The following WNT7B variants were observed in gnomAD, a reference collection of about 807,000 sequenced individuals.
WNT7B encodes the protein Wnt family member 7B.
In WNT7B, 19 loss-of-function variants were observed where a neutral mutation model predicts 38.2. That is an observed-to-expected ratio of 0.50 (90% CI 0.35 to 0.73). The LOEUF (loss-of-function observed/expected upper bound fraction) is 0.73. Among genes scored for constraint, WNT7B ranks in the 30% least tolerant of loss-of-function variants. The pLI is 0.01. For synonymous variants in WNT7B, 243 were observed against 209.3 expected (o/e 1.16, Z -1.39); for missense variants, 423 against 507.9 (o/e 0.83, Z 1.61).
In WNT7B at chr22:45,951,077, T is replaced by A. The variant is rs575125709; in HGVS notation, c.72-931A>T. On this transcript the variant is annotated intron_variant, in intron 1 of 3. Coordinates refer to ENST00000339464, the MANE Select transcript of WNT7B (RefSeq NM_058238.3). The surrounding 1 kb of genome is among the most constrained non-coding windows in gnomAD (Gnocchi z 4.8). ...GCGGGATTGTCATTTGTTCATTTGT[T>A]TGTTTGTTTTGAGACAGAGTTTCGG... Among the ~76,000 whole-genome samples, 1 of 152,324 alleles carries A rather than the reference T, an allele frequency of 6.6e-6. No individual in the cohort carries two copies. The highest frequency in any genetic ancestry group is 2.1e-4 in the South Asian group (1 of 4,826).
rs1931789175 is a variant in WNT7B at position 45,946,105 on chromosome 22, C to T, written c.298+3815G>A. On this transcript the variant is annotated intron_variant, in intron 2 of 3. Transcript: ENST00000339464. ...GGCGCAGTGGTTGGAAGGAAGCAGC[C>T]TGCAGAGGGAAGCCCTCACCTGCTC... Among the ~76,000 whole-genome samples, 3 of 152,186 alleles carry T rather than the reference C, an allele frequency of 2.0e-5. No homozygotes were observed. In the South Asian group the frequency reaches 6.2e-4, roughly 31 times the overall value.
rs1039250275 is a variant in WNT7B, at chr22:45,977,123, G to T, written c.-369C>A. The T allele has an allele frequency of 3.0e-6, 2 of 675,944 alleles. No homozygotes were observed. Among genetic ancestry groups the T allele is most frequent in the East Asian group, 1.4e-4 (1 of 7,406 alleles). 41.9% of individuals were successfully genotyped at this position (675,944 alleles called of 1,614,324 possible). A position where few individuals can be genotyped will look rare whatever the true frequency, so the allele number is the denominator to read the frequency against. On this transcript the variant is annotated 5_prime_UTR_variant, in exon 1 of 4. Transcript: ENST00000339464. ...TGAGCGCCTCGCCGAGCGCCGCGGC[G>T]GCCAATGTGTCCGCACTTGTCGGCC...
In WNT7B at chr22:45,976,832, C is replaced by G; in HGVS notation, c.-78G>C. ...GGGCCCGGCAGGGCCGGGCAGGGGC[C>G]AGGGGGCTGCGGGCAGACTGCGCTC... On this transcript the variant is annotated 5_prime_UTR_variant, in exon 1 of 4. Coordinates refer to ENST00000339464, the MANE Select transcript of WNT7B (RefSeq NM_058238.3). This position sits in a 1 kb window ranked among gnomAD's most constrained non-coding sequence, Gnocchi z 8.5. The G allele has an allele frequency of 7.3e-7, 1 of 1,364,690 alleles. No individual in the cohort carries two copies. Among genetic ancestry groups the G allele is most frequent in the Admixed American group, 2.5e-5 (1 of 40,012 alleles). 84.5% of individuals were successfully genotyped at this position (1,364,690 alleles called of 1,614,324 possible). A position where few individuals can be genotyped will look rare whatever the true frequency, so the allele number is the denominator to read the frequency against.
intron 3 of WNT7B, among the ~76,000 whole-genome samples, chr22:45,928,837 T>G (rs62226028): frequency 0.074 from 11,250 of 151,514 alleles, 637 homozygotes; most frequent in Admixed American, 0.16. Flanking sequence ...CCGGCCATCC[T>G]GGCCCTGGTT....
At chr22:45,964,823 C>A (rs777146764) in intron 1 of WNT7B, among the ~76,000 whole-genome samples, 4 of 152,168 alleles carry the variant, frequency 2.6e-5, no homozygotes, top group African/African-American at 4.8e-5. Context: ...GGCAACCCTG[C>A]AACCCTAGAC....
At chr22:45,929,397 C>T (rs1931215034) in intron 3 of WNT7B, among the ~76,000 whole-genome samples, 1 of 145,282 alleles carries the variant, frequency 6.9e-6, no homozygotes, top group Non-Finnish European at 1.6e-5. Context: ...CCCATCCATC[C>T]TTCCATCCAC....
rs1046451763 is a variant in WNT7B at position 45,977,110 on chromosome 22, C to A, written c.-356G>T. On this transcript the variant is annotated 5_prime_UTR_variant, in exon 1 of 4. Coordinates refer to ENST00000339464, the MANE Select transcript of WNT7B (RefSeq NM_058238.3). The stretch of plus-strand genomic sequence containing the variant: ...CCGCCTGAGGCCGTGAGCGCCTCGC[C>A]GAGCGCCGCGGCGGCCAATGTGTCC... 4 of 784,512 alleles carry A rather than the reference C, an allele frequency of 5.1e-6. No individual in the cohort carries two copies. The African/African-American group carries it at 7.5e-5, about 15-fold the overall frequency. 48.6% of individuals were successfully genotyped at this position (784,512 alleles called of 1,614,324 possible). A position where few individuals can be genotyped will look rare whatever the true frequency, so the allele number is the denominator to read the frequency against.
intron 1 of WNT7B, chr22:45,972,116 G>GGGGGGCCC: frequency 1.3e-5 from 7 of 530,726 alleles, no homozygotes; most frequent in Admixed American, 4.1e-5. Flanking sequence ...CCCGGGGGGA[G>GGGGGGCCC]CCCACCCGCC....
At position 45,949,916 on chromosome 22, in the gene WNT7B, T is replaced by G; in HGVS notation, c.298+4A>C. Reference sequence around the variant, plus strand: ...GGGCCCCTTGAGCCCAGAGGCGCCCTTACCTACTCGGAGCTCTTGCCCGAA... The same window carrying G: ...GGGCCCCTTGAGCCCAGAGGCGCCCGTACCTACTCGGAGCTCTTGCCCGAA... On this transcript the variant is annotated splice_donor_region_variant and intron_variant, in intron 2 of 3. Transcript: ENST00000339464. 1 of 1,604,928 alleles carries G rather than the reference T, an allele frequency of 6.2e-7. No individual in the cohort carries two copies. The highest frequency in any genetic ancestry group is 8.5e-7 in the Non-Finnish European group (1 of 1,173,202).
At chr22:45,929,604 CCACCTGCCCATA>C (rs1200412318) in intron 3 of WNT7B, among the ~76,000 whole-genome samples, 4 of 150,142 alleles carry the variant, frequency 2.7e-5, no homozygotes, top group African/African-American at 9.8e-5. Flanking sequence ...ATGCATCCAT[CCACCTGCCCATA>C]CACCCATCCT....
intron 3 of WNT7B, among the ~76,000 whole-genome samples, chr22:45,930,740 G>A (rs28488726): frequency 0.3 from 45,520 of 152,072 alleles, 6,877 homozygotes; most frequent in Middle Eastern, 0.37. Flanking sequence ...GGTGACCTCC[G>A]GGACCAGGAA....
intron 1 of WNT7B, chr22:45,972,599 G>C (rs1459405710): frequency 6.5e-6 from 1 of 154,118 alleles, no homozygotes; most frequent in Non-Finnish European, 1.4e-5. Context: ...GCCATTGGAC[G>C]GGCCGCCCCT....
In WNT7B at chr22:45,948,038, G is replaced by C. The variant is rs530579639; in HGVS notation, c.298+1882C>G. Among the ~76,000 whole-genome samples, 7 of 152,318 alleles carry C rather than the reference G, an allele frequency of 4.6e-5. No homozygotes were observed. In the South Asian group the frequency reaches 6.2e-4, roughly 14 times the overall value. The stretch of plus-strand genomic sequence containing the variant: ...GTCCAAGCTCCCAGCCCTCTGTCGA[G>C]CAGCAGGACGATTTCCACGTCTGCC... On this transcript the variant is annotated intron_variant, in intron 2 of 3. Coordinates refer to ENST00000339464, the MANE Select transcript of WNT7B (RefSeq NM_058238.3).
rs140453657 is a variant in WNT7B at position 45,974,744 on chromosome 22, G to A, written c.71+1940C>T. ...CAGAGGGAGGCTGACACAGGTGCCCGGGGCTCAGGCTGGGCTACACGGAGG... is the reference window on the plus strand; with the variant it reads ...CAGAGGGAGGCTGACACAGGTGCCCAGGGCTCAGGCTGGGCTACACGGAGG... On this transcript the variant is annotated intron_variant, in intron 1 of 3. Coordinates refer to ENST00000339464, the MANE Select transcript of WNT7B (RefSeq NM_058238.3). Among the ~76,000 whole-genome samples the A allele has an allele frequency of 2.5e-3, 382 of 152,284 alleles. 2 individuals are homozygous for A. Among genetic ancestry groups the A allele is most frequent in the African/African-American group, 8.9e-3 (369 of 41,556 alleles).
chr22:45,934,068 G>A (rs771207038), intron 2 of WNT7B, among the ~76,000 whole-genome samples: 14 of 152,342 alleles, frequency 9.2e-5, no homozygotes, highest in South Asian at 6.2e-4. Flanking sequence ...CCTCACATGC[G>A]CTCCCATTTC....
chr22:45,952,352 G>C (rs759309627), intron 1 of WNT7B, among the ~76,000 whole-genome samples: 2 of 152,172 alleles, frequency 1.3e-5, no homozygotes, highest in Non-Finnish European at 1.5e-5. Flanking sequence ...CTCAATCCCC[G>C]AGGCCCGCCC....
intron 3 of WNT7B, chr22:45,927,574 C>T: frequency 8.5e-7 from 1 of 1,178,744 alleles, no homozygotes; most frequent in South Asian, 1.3e-5. Context: ...CCAAGTAGGC[C>T]CTAAATCCAA....
rs368198853 is a variant in WNT7B at position 45,965,229 on chromosome 22, G to A, written c.71+11455C>T. On this transcript the variant is annotated intron_variant, in intron 1 of 3. Coordinates refer to ENST00000339464, the MANE Select transcript of WNT7B (RefSeq NM_058238.3). The surrounding 1 kb of genome is among the most constrained non-coding windows in gnomAD (Gnocchi z 6.5). The stretch of plus-strand genomic sequence containing the variant: ...TCCCTCCAGCAGGTCCTTCAGGGCC[G>A]AGGTCAGAGGCTGCCTTACTTGAGA... Among the ~76,000 whole-genome samples the A allele has an allele frequency of 2.8e-3, 423 of 152,284 alleles. 6 individuals carry two copies. In the South Asian group the frequency reaches 0.036, roughly 13 times the overall value.
At chr22:45,972,116 G>GGGGGGGGCCCCCC in intron 1 of WNT7B, 1 of 530,744 alleles carries the variant, frequency 1.9e-6, no homozygotes, top group East Asian at 3.7e-5. Flanking sequence ...CCCGGGGGGA[G>GGGGGGGGCCCCCC]CCCACCCGCC....
Sources: allele counts gnomAD v4.1 joint callset (sites outside exome capture counted in the v4.1 genomes callset), GRCh38; gene constraint gnomAD v4.1.1; non-coding constraint Gnocchi (gnomAD v3.1); transcripts MANE v1.5; gene names NCBI Gene and HGNC (gene_info 2026-07-23, HGNC 2026-07-21).